The following RBFOX3 variants were observed in gnomAD, a reference collection of about 807,000 sequenced individuals.
RBFOX3 encodes RNA binding fox-1 homolog 3, also known as RNA binding protein fox-1 homolog 3.
RBFOX3 carries 17 observed loss-of-function variants against 48.7 expected under a neutral mutation model. The observed-to-expected ratio is 0.35, with a 90% CI of 0.24 to 0.52. The LOEUF is 0.52. Ranked by LOEUF, RBFOX3 falls within the 20% of genes least tolerant of loss-of-function variation. The probability of loss-of-function intolerance (pLI) is 0.94; values close to 1 mark genes in which losing one functional copy is unlikely to be tolerated. For synonymous variants in RBFOX3, 212 were observed against 209.5 expected (o/e 1.01, Z -0.10); for missense variants, 382 against 497.5 (o/e 0.77, Z 2.21).
At chr17:79,200,252 TGTACA>T (rs1413519164) in intron 4 of RBFOX3, among the ~76,000 whole-genome samples, 1 of 149,500 alleles carries the variant, frequency 6.7e-6, no homozygotes, top group African/African-American at 2.5e-5. Context: ...CAAAGCCGAG[TGTACA>T]GATCATCAGC....
chr17:79,167,984 G>T (rs931223263), intron 4 of RBFOX3, among the ~76,000 whole-genome samples: 2 of 152,220 alleles, frequency 1.3e-5, no homozygotes, highest in Admixed American at 6.5e-5. Flanking sequence ...ACCACAGAGT[G>T]GGGGGCAGTG....
intron 3 of RBFOX3, among the ~76,000 whole-genome samples, chr17:79,304,067 T>A (rs4790002): frequency 0.52 from 79,446 of 151,984 alleles, 23,281 homozygotes; most frequent in South Asian, 0.67. Context: ...ATGTTTGCAG[T>A]CTCCTTTATA....
chr17:79,261,351 T>C (rs796485175), intron 3 of RBFOX3, among the ~76,000 whole-genome samples: 3 of 152,328 alleles, frequency 2.0e-5, no homozygotes, highest in African/African-American at 7.2e-5. Context: ...CGAAGCCACA[T>C]GCACAGGGTC....
At chr17:79,143,278 T>C (rs979192365) in intron 4 of RBFOX3, among the ~76,000 whole-genome samples, 57 of 150,580 alleles carry the variant, frequency 3.8e-4, no homozygotes, top group Non-Finnish European at 6.8e-4. Context: ...GCCTCTGTCC[T>C]TACAGGCCCC....
chr17:79,539,880 C>T (rs1331208345), intron 1 of RBFOX3, among the ~76,000 whole-genome samples: 2 of 152,104 alleles, frequency 1.3e-5, no homozygotes, highest in Non-Finnish European at 2.9e-5. Flanking sequence ...CAGATGAACA[C>T]GGTTTTGTTT....
At chr17:79,527,687 C>G (rs2086984454) in intron 1 of RBFOX3, among the ~76,000 whole-genome samples, 1 of 152,258 alleles carries the variant, frequency 6.6e-6, no homozygotes, top group Admixed American at 6.5e-5. Context: ...CGATATCCCC[C>G]ACTTCCCCTT....
intron 4 of RBFOX3, among the ~76,000 whole-genome samples, chr17:79,180,385 G>A (rs566510916): frequency 5.9e-5 from 9 of 152,342 alleles, no homozygotes; most frequent in East Asian, 5.8e-4. Flanking sequence ...CTCAAACTAC[G>A]TCTCCTGTCT....
At chr17:79,186,864 C>G (rs2053520965) in intron 4 of RBFOX3, among the ~76,000 whole-genome samples, 1 of 152,192 alleles carries the variant, frequency 6.6e-6, no homozygotes, top group African/African-American at 2.4e-5. Context: ...CTCCTTCCTG[C>G]CCCCATCCTA....
chr17:79,206,377 T>C (rs2057481061), intron 4 of RBFOX3, among the ~76,000 whole-genome samples: 1 of 152,134 alleles, frequency 6.6e-6, no homozygotes, highest in African/African-American at 2.4e-5. Flanking sequence ...AGTGACATCA[T>C]CCCAGTGGTG....
intron 2 of RBFOX3, among the ~76,000 whole-genome samples, chr17:79,351,534 G>C (rs1408349121): frequency 1.3e-5 from 2 of 152,156 alleles, no homozygotes; most frequent in Non-Finnish European, 2.9e-5. Context: ...ACATCTTACT[G>C]TGTGCCAGGT....
chr17:79,444,820 T>C (rs1347477705), intron 2 of RBFOX3, among the ~76,000 whole-genome samples: 3 of 152,060 alleles, frequency 2.0e-5, no homozygotes, highest in Admixed American at 2.0e-4. Context: ...TGCAAATATA[T>C]ATATGCAGTT....
chr17:79,582,976 C>G (rs1009721732), intron 1 of RBFOX3, among the ~76,000 whole-genome samples: 1 of 152,104 alleles, frequency 6.6e-6, no homozygotes, highest in Non-Finnish European at 1.5e-5. Context: ...TGCCCACTTC[C>G]GCCAGGGCTT....
At chr17:79,657,407 A>C in the RBFOX3 span, among the ~76,000 whole-genome samples, 4 of 152,164 alleles carry the variant, frequency 2.6e-5, no homozygotes, top group African/African-American at 9.7e-5. Flanking sequence ...AGCTGTGCAC[A>C]GTGGCTCACG....
At chr17:79,422,819 G>C (rs1555723375) in intron 2 of RBFOX3, among the ~76,000 whole-genome samples, 1 of 152,188 alleles carries the variant, frequency 6.6e-6, no homozygotes. Context: ...AGGTTATTAA[G>C]GTTCAGTGAA....
At chr17:79,386,247 C>G (rs2060550050) in intron 2 of RBFOX3, among the ~76,000 whole-genome samples, 1 of 151,482 alleles carries the variant, frequency 6.6e-6, no homozygotes, top group Non-Finnish European at 1.5e-5. Context: ...CAGACAGGAA[C>G]CTCCCACACC....
At chr17:79,583,127 G>A (rs2093132378) in intron 1 of RBFOX3, among the ~76,000 whole-genome samples, 1 of 152,202 alleles carries the variant, frequency 6.6e-6, no homozygotes, top group African/African-American at 2.4e-5. Flanking sequence ...AGCACTGGGC[G>A]CTGCAGGGGA....
At chr17:79,357,592 C>T (rs1186377554) in intron 2 of RBFOX3, among the ~76,000 whole-genome samples, 1 of 152,140 alleles carries the variant, frequency 6.6e-6, no homozygotes, top group Non-Finnish European at 1.5e-5. Flanking sequence ...GATTGCACCA[C>T]TGCACTCCAG....
intron 2 of RBFOX3, among the ~76,000 whole-genome samples, chr17:79,388,288 G>T (rs1477122955): frequency 3.3e-5 from 5 of 152,318 alleles, no homozygotes; most frequent in African/African-American, 9.6e-5. Context: ...GAGCTTGAGA[G>T]AACAAGGAGT....
chr17:79,347,318 TG>T (rs2083077937), intron 2 of RBFOX3, among the ~76,000 whole-genome samples: 1 of 152,188 alleles, frequency 6.6e-6, no homozygotes, highest in African/African-American at 2.4e-5. Flanking sequence ...GTATAGGTTT[TG>T]TTTCCCTCTT....
Sources: gnomAD v4.1 joint callset for allele counts (sites outside exome capture counted in the v4.1 genomes callset) on GRCh38, gnomAD v4.1.1 for gene constraint, MANE v1.5 for transcripts, NCBI Gene and HGNC (gene_info 2026-07-23, HGNC 2026-07-21) for gene names.